The following LRRIQ3 variants were observed in gnomAD, a reference collection of about 807,000 sequenced individuals.
The protein encoded by LRRIQ3 is leucine rich repeats and IQ motif containing 3.
A neutral mutation model predicts 59.3 loss-of-function variants in LRRIQ3; 75 were observed. The ratio of observed to expected loss-of-function variants is 1.26; its 90% CI spans 1.05 to 1.53. The LOEUF (loss-of-function observed/expected upper bound fraction) is 1.53, where lower values mean the gene tolerates loss of function less well. Ranked by LOEUF, LRRIQ3 falls within the 40% of genes most tolerant of loss-of-function variation. The pLI, the probability that LRRIQ3 is intolerant of heterozygous loss-of-function variation, is 0.00. For synonymous variants in LRRIQ3, 250 were observed against 231.3 expected, an observed-to-expected ratio of 1.08 and a Z score of -0.73; for missense variants, 831 against 710.0, an observed-to-expected ratio of 1.17 and a Z score of -1.94.
chr1:74,039,268 G>A (rs1178685104), intron 7 of LRRIQ3, among the ~76,000 whole-genome samples: 1 of 152,054 alleles, frequency 6.6e-6, no homozygotes, highest in Non-Finnish European at 1.5e-5. Context: ...CATGAAGACA[G>A]GATTAGAGAA....
intron 4 of LRRIQ3, among the ~76,000 whole-genome samples, chr1:74,119,205 T>C (rs574913271): frequency 6.6e-6 from 1 of 152,294 alleles, no homozygotes; most frequent in South Asian, 2.1e-4. Context: ...TCTTAAATCC[T>C]TATAAGAACT....
chr1:74,129,516 A>G (rs893613598), intron 4 of LRRIQ3, among the ~76,000 whole-genome samples: 2 of 152,014 alleles, frequency 1.3e-5, no homozygotes, highest in African/African-American at 4.8e-5. Flanking sequence ...AGGGTACAGC[A>G]ATGCCATCTC....
chr1:74,064,988 GTAAC>G (rs1654827987), intron 6 of LRRIQ3, among the ~76,000 whole-genome samples: 1 of 152,150 alleles, frequency 6.6e-6, no homozygotes, highest in East Asian at 1.9e-4. Flanking sequence ...AATTTGGAAA[GTAAC>G]TATTTTTTCA....
At chr1:74,082,555 T>C (rs1395205024) in intron 5 of LRRIQ3, 5 of 151,660 alleles carry the variant, frequency 3.3e-5, no homozygotes, top group Admixed American at 6.6e-5. Context: ...ACAATGTCTA[T>C]ATTTATGAAA....
At chr1:74,168,473 T>A (rs1460359151) in intron 3 of LRRIQ3, among the ~76,000 whole-genome samples, 1 of 152,082 alleles carries the variant, frequency 6.6e-6, no homozygotes. Context: ...GCCTATAACA[T>A]TCTATTTGAA....
intron 6 of LRRIQ3, among the ~76,000 whole-genome samples, chr1:74,045,201 G>A (rs962946307): frequency 3.9e-5 from 6 of 151,968 alleles, no homozygotes; most frequent in Non-Finnish European, 7.4e-5. Context: ...ACATTGATCC[G>A]AAAATCCTCA....
intron 1 of LRRIQ3, among the ~76,000 whole-genome samples, chr1:74,192,774 A>G (rs537051118): frequency 6.6e-6 from 1 of 152,272 alleles, no homozygotes; most frequent in African/African-American, 2.4e-5. Context: ...AAAAACTAGT[A>G]TTCTATATTC....
intron 5 of LRRIQ3, among the ~76,000 whole-genome samples, chr1:74,095,799 T>A (rs1385562112): frequency 6.6e-6 from 1 of 152,066 alleles, no homozygotes; most frequent in Non-Finnish European, 1.5e-5. Context: ...CTAATCTAAG[T>A]GTTACTTTAC....
At chr1:74,102,880 C>T (rs542607659) in intron 5 of LRRIQ3, among the ~76,000 whole-genome samples, 2 of 152,034 alleles carry the variant, frequency 1.3e-5, no homozygotes, top group South Asian at 4.2e-4. Context: ...CTTTCTTATC[C>T]ACATATATGG....
chr1:74,121,478 T>G (rs947434755), intron 4 of LRRIQ3, among the ~76,000 whole-genome samples: 1 of 152,160 alleles, frequency 6.6e-6, no homozygotes, highest in Non-Finnish European at 1.5e-5. Flanking sequence ...AGTAAGCTAG[T>G]GAGAAGTTTT....
intron 4 of LRRIQ3, among the ~76,000 whole-genome samples, chr1:74,152,867 T>C (rs1648076862): frequency 6.6e-6 from 1 of 152,156 alleles, no homozygotes. Context: ...TGCGGTTTCA[T>C]CTCTTCATAA....
chr1:74,043,287 T>C (rs1654101720), intron 6 of LRRIQ3, among the ~76,000 whole-genome samples: 1 of 152,120 alleles, frequency 6.6e-6, no homozygotes, highest in South Asian at 2.1e-4. Context: ...TGATCTTCCT[T>C]AGAAAATTAC....
At chr1:74,028,227 T>C (rs1653579305) in intron 7 of LRRIQ3, among the ~76,000 whole-genome samples, 1 of 151,984 alleles carries the variant, frequency 6.6e-6, no homozygotes, top group South Asian at 2.1e-4. Flanking sequence ...AAATACTTTA[T>C]TTATGTGTAG....
At chr1:74,096,460 A>G (rs1433665763) in intron 5 of LRRIQ3, among the ~76,000 whole-genome samples, 1 of 152,090 alleles carries the variant, frequency 6.6e-6, no homozygotes, top group African/African-American at 2.4e-5. Context: ...ATTATAGGAA[A>G]GCCAGTCAAA....
chr1:74,040,355 C>T (rs907234097), intron 7 of LRRIQ3, among the ~76,000 whole-genome samples: 2 of 152,100 alleles, frequency 1.3e-5, no homozygotes, highest in Non-Finnish European at 2.9e-5. Context: ...GACTTTAATA[C>T]CCCACTGTCA....
intron 5 of LRRIQ3, among the ~76,000 whole-genome samples, chr1:74,100,371 A>C (rs1282524438): frequency 6.6e-6 from 1 of 152,190 alleles, no homozygotes; most frequent in East Asian, 1.9e-4. Flanking sequence ...GACCTCTTCA[A>C]GGAGAACTAC....
chr1:74,145,001 G>A lies in LRRIQ3; in HGVS notation c.707+10732C>T, dbSNP rs902561754. ...ATTATAGAGACCCCAGATCAATCTT[G>A]CTTATTATGATAATATGATCTATGC... On this transcript the variant is annotated intron_variant, in intron 4 of 7. Transcript: ENST00000354431. 1.7e-4 allele frequency among the ~76,000 whole-genome samples: 26 copies of A among 151,912 alleles called. 1 individual carries two copies. The highest frequency in any genetic ancestry group is 1.6e-3 in the Admixed American group (25 of 15,208).
intron 5 of LRRIQ3, chr1:74,083,012 A>T (rs1047309762): frequency 3.3e-5 from 5 of 151,692 alleles, no homozygotes; most frequent in African/African-American, 7.2e-5. Context: ...AAGTATAGTT[A>T]TGTTTCTTCT....
chr1:74,102,777 C>T (rs1646553822), intron 5 of LRRIQ3, among the ~76,000 whole-genome samples: 1 of 152,006 alleles, frequency 6.6e-6, no homozygotes, highest in Non-Finnish European at 1.5e-5. Context: ...TTGACTTTGG[C>T]AATTCACACA....
Sources: allele counts gnomAD v4.1 joint callset (sites outside exome capture counted in the v4.1 genomes callset), GRCh38; gene constraint gnomAD v4.1.1; transcripts MANE v1.5; gene names NCBI Gene and HGNC (gene_info 2026-07-23, HGNC 2026-07-21).